Variants in BAIAP2L1 observed in about 807,000 individuals in gnomAD.
BAIAP2L1 encodes BAR/IMD domain containing adaptor protein 2 like 1.
BAIAP2L1 carries 35 observed loss-of-function variants against 66.3 expected under a neutral mutation model. The observed-to-expected ratio is 0.53, with a 90% confidence interval of 0.40 to 0.70. The LOEUF is 0.70. Ranked by LOEUF, BAIAP2L1 falls within the 30% of genes least tolerant of loss-of-function variation. The pLI, the probability that BAIAP2L1 is intolerant of heterozygous loss-of-function variation, is 0.00. For synonymous variants in BAIAP2L1, 269 were observed against 248.7 expected, an observed-to-expected ratio of 1.08 and a Z score of -0.77; for missense variants, 622 against 656.9, an observed-to-expected ratio of 0.95 and a Z score of 0.58.
intron 1 of BAIAP2L1, among the ~76,000 whole-genome samples, chr7:98,370,169 G>A (rs1461095703): frequency 1.3e-5 from 2 of 151,940 alleles, no homozygotes; most frequent in Non-Finnish European, 2.9e-5. Context: ...AAGGTCAAGA[G>A]ATCGAGACCA....
chr7:98,395,899 G>C (rs1803196068), intron 1 of BAIAP2L1, among the ~76,000 whole-genome samples: 1 of 152,104 alleles, frequency 6.6e-6, no homozygotes, highest in African/African-American at 2.4e-5. Context: ...GCATGGCGGT[G>C]CATGTGGTCC....
rs760930468 is a variant in BAIAP2L1 at position 98,307,902 on chromosome 7, G to A, written c.956-6C>T. ...ACTGGGATCTTCGGAAGTACCTGTT[G>A]GAGGGAGTGTAGCAGTAATGGCTTT... On this transcript the variant is annotated splice_region_variant and splice_polypyrimidine_tract_variant and intron_variant, in intron 9 of 13. Coordinates refer to ENST00000005260, the MANE Select transcript of BAIAP2L1 (RefSeq NM_018842.5). The A allele has an allele frequency of 6.2e-7, 1 of 1,614,074 alleles. No individual in the cohort carries two copies. The highest frequency in any genetic ancestry group is 1.1e-5 in the South Asian group (1 of 91,080).
At chr7:98,390,159 C>A (rs1421657243) in intron 1 of BAIAP2L1, among the ~76,000 whole-genome samples, 1 of 151,804 alleles carries the variant, frequency 6.6e-6, no homozygotes, top group African/African-American at 2.4e-5. Context: ...TCGTGATCTG[C>A]CCACCTCGGC....
chr7:98,311,867 C>T (rs1357371798), intron 8 of BAIAP2L1, among the ~76,000 whole-genome samples: 4 of 152,168 alleles, frequency 2.6e-5, no homozygotes, highest in African/African-American at 9.7e-5. Context: ...GATCACTCCA[C>T]TGTACTCCAG....
At chr7:98,319,364 C>A (rs1259204443) in intron 5 of BAIAP2L1, among the ~76,000 whole-genome samples, 1 of 152,268 alleles carries the variant, frequency 6.6e-6, no homozygotes, top group Admixed American at 6.5e-5. Context: ...CCAGGGCACA[C>A]CGGGAGCCCC....
At chr7:98,298,619 A>T (rs917838740) in intron 12 of BAIAP2L1, among the ~76,000 whole-genome samples, 1 of 152,006 alleles carries the variant, frequency 6.6e-6, no homozygotes, top group Non-Finnish European at 1.5e-5. Context: ...TCTCAAAACA[A>T]AACAAAAAAA....
chr7:98,311,484 T>C (rs1051957308), intron 8 of BAIAP2L1, among the ~76,000 whole-genome samples: 3 of 150,910 alleles, frequency 2.0e-5, no homozygotes, highest in African/African-American at 7.3e-5. Context: ...GAGCCTACAG[T>C]GAGCCGAGAT....
rs538902176 is a variant in BAIAP2L1 at position 98,337,498 on chromosome 7, C to T, written c.215-17200G>A. Among the ~76,000 whole-genome samples, 21 of 152,260 alleles carry T rather than the reference C, an allele frequency of 1.4e-4. No homozygotes were observed. In the South Asian group the frequency reaches 4.1e-3, roughly 30 times the overall value. On this transcript the variant is annotated intron_variant, in intron 3 of 13. Transcript: ENST00000005260. ...CACCCACCTTGGCCTCAGATACCTT[C>T]TTGTGTGAACAGTTGAGGAGAATAA...
At chr7:98,352,151 T>C (rs1472389744) in intron 3 of BAIAP2L1, among the ~76,000 whole-genome samples, 5 of 152,134 alleles carry the variant, frequency 3.3e-5, no homozygotes, top group East Asian at 3.9e-4. Context: ...GGGTGCCTTT[T>C]TAGTCTGAAC....
chr7:98,381,928 G>GC, intron 1 of BAIAP2L1, among the ~76,000 whole-genome samples: 1 of 139,472 alleles, frequency 7.2e-6, no homozygotes, highest in Non-Finnish European at 1.5e-5. Flanking sequence ...AAATCTAAGG[G>GC]TTTTTTTTTT....
chr7:98,306,692 A>C, intron 10 of BAIAP2L1, 176 bp from the exon 11 acceptor site: 1 of 926,610 alleles, frequency 1.1e-6, no homozygotes, highest in Non-Finnish European at 1.6e-6. Context: ...ACATACACTG[A>C]ACAATGTGTA....
intron 3 of BAIAP2L1, among the ~76,000 whole-genome samples, chr7:98,328,411 A>C (rs2115573164): frequency 6.6e-6 from 1 of 152,314 alleles, no homozygotes; most frequent in African/African-American, 2.4e-5. Context: ...GAAGTTCCCT[A>C]ACCTCTTTCT....
At chr7:98,380,761 A>AT (rs1254123254) in intron 1 of BAIAP2L1, among the ~76,000 whole-genome samples, 1 of 150,308 alleles carries the variant, frequency 6.7e-6, no homozygotes, top group African/African-American at 2.4e-5. Context: ...TTAATAAAAA[A>AT]AAAAAGGAAC....
chr7:98,328,808 C>G (rs1423086146), intron 3 of BAIAP2L1, among the ~76,000 whole-genome samples: 1 of 152,176 alleles, frequency 6.6e-6, no homozygotes, highest in Non-Finnish European at 1.5e-5. Context: ...ATTGTTCAGC[C>G]TGTAGTCACC....
chr7:98,360,525 A>G lies in BAIAP2L1; in HGVS notation c.127+1832T>C, dbSNP rs180717372. On this transcript the variant is annotated intron_variant, in intron 2 of 13. Transcript: ENST00000005260. ...GTATTTACTCCCCAGGAGGTGCTAA[A>G]GTGTCAAGAGCCCTTTGGGGAGAAG... Among the ~76,000 whole-genome samples, 366 of 152,264 alleles carry G rather than the reference A, an allele frequency of 2.4e-3. 1 individual carries two copies. The highest frequency in any genetic ancestry group is 8.6e-3 in the African/African-American group (357 of 41,556).
intron 1 of BAIAP2L1, among the ~76,000 whole-genome samples, chr7:98,390,637 C>T (rs1456490729): frequency 6.6e-6 from 1 of 151,512 alleles, no homozygotes; most frequent in African/African-American, 2.4e-5. Flanking sequence ...GAGGCTGAGG[C>T]AGGAGAATGG....
At position 98,292,940 on chromosome 7, in the gene BAIAP2L1, A is replaced by G; in HGVS notation, c.*581T>C. On this transcript the variant is annotated 3_prime_UTR_variant, in exon 14 of 14. Coordinates refer to ENST00000005260, the MANE Select transcript of BAIAP2L1 (RefSeq NM_018842.5). ...CAGGCAAAGCGTCTTAGCACTCTACAGCTCTGGCGTGGTTGGAGGGAGGGT... is the reference window on the plus strand; with the variant it reads ...CAGGCAAAGCGTCTTAGCACTCTACGGCTCTGGCGTGGTTGGAGGGAGGGT... 3 of 1,277,142 alleles carry G rather than the reference A, an allele frequency of 2.3e-6. No individual in the cohort carries two copies. Among genetic ancestry groups the G allele is most frequent in the Non-Finnish European group, 3.0e-6 (3 of 1,011,126 alleles). 79.1% of individuals were successfully genotyped at this position (1,277,142 alleles called of 1,614,324 possible).
At chr7:98,319,772 A>C (rs958358940) in intron 5 of BAIAP2L1, among the ~76,000 whole-genome samples, 7 of 152,008 alleles carry the variant, frequency 4.6e-5, no homozygotes, top group African/African-American at 1.7e-4. Flanking sequence ...GCTGGTCTTG[A>C]ACTACTGACC....
chr7:98,335,421 TAAAAC>T (rs1221207292), intron 3 of BAIAP2L1, among the ~76,000 whole-genome samples: 1 of 152,148 alleles, frequency 6.6e-6, no homozygotes, highest in Non-Finnish European at 1.5e-5. Flanking sequence ...CATCCTGTAT[TAAAAC>T]TATGAGTATA....
Sources: allele counts gnomAD v4.1 joint callset (sites outside exome capture counted in the v4.1 genomes callset), GRCh38; gene constraint gnomAD v4.1.1; transcripts MANE v1.5; gene names NCBI Gene and HGNC (gene_info 2026-07-23, HGNC 2026-07-21).